FCRL4: variants seen among roughly 807,000 people sequenced by gnomAD.
FCRL4 encodes the protein Fc receptor-like protein 4.
In FCRL4, 43 loss-of-function variants were observed where a neutral mutation model predicts 64.1. The ratio of observed to expected loss-of-function variants is 0.67; its 90% CI spans 0.53 to 0.87. FCRL4 has a LOEUF of 0.87. Ranked by LOEUF, FCRL4 falls within the 40% of genes least tolerant of loss-of-function variation. FCRL4 has a pLI of 0.00. For synonymous variants in FCRL4, 253 were observed against 239.8 expected (o/e 1.05, Z -0.51); for missense variants, 656 against 613.5 (o/e 1.07, Z -0.73).
At chr1:157,582,869 G>A (rs1018404470) in intron 6 of FCRL4, among the ~76,000 whole-genome samples, 7 of 152,188 alleles carry the variant, frequency 4.6e-5, no homozygotes, top group African/African-American at 1.7e-4. Context: ...ACTACATCCT[G>A]TATTGAATCT....
At chr1:157,582,561 T>C (rs1234898941) in intron 6 of FCRL4, among the ~76,000 whole-genome samples, 1 of 152,180 alleles carries the variant, frequency 6.6e-6, no homozygotes, top group East Asian at 1.9e-4. Context: ...CAGACACAGG[T>C]ACCACAGAAT....
chr1:157,583,253 T>C (rs1314575744), intron 6 of FCRL4, among the ~76,000 whole-genome samples: 1 of 152,192 alleles, frequency 6.6e-6, no homozygotes, highest in Non-Finnish European at 1.5e-5. Context: ...AGTTCATATT[T>C]TGTGGTCCTG....
chr1:157,581,619 A>G lies in FCRL4; in HGVS notation c.1161T>C (p.Leu387=). The G allele has an allele frequency of 6.2e-7, 1 of 1,614,022 alleles. No homozygotes were observed. The stretch of plus-strand genomic sequence containing the variant: ...GCCCTCCAGTGGCTCCCGCGGCGAC[A>G]AGGCCATCTCTGTTGCCTGGGGTCT... ...VRETPGNRDG[L]VAAGATGGLL... The change falls in exon 7 of 12, where the codon CTT becomes CTC. Residue 387 remains leucine (L), a synonymous_variant. Transcript: ENST00000271532.
At chr1:157,592,700 T>A (rs145584930) in intron 2 of FCRL4, among the ~76,000 whole-genome samples, 1 of 152,154 alleles carries the variant, frequency 6.6e-6, no homozygotes, top group Non-Finnish European at 1.5e-5. Context: ...GATCTAGAAC[T>A]AGAAATACCA....
Position 157,575,702 on chromosome 1 carries a change from A to G in FCRL4, c.1458T>C (p.Asp486=). The part of the protein sequence containing the change: ...EANTSRTLLE[D]KDVSVVYSEV... Reference sequence around the variant, plus strand: ...ACTGTGGGGAAATGAAACTCACCTTATCCTCTAGAAGTGTCCTGGAGGTAT... The same window carrying G: ...ACTGTGGGGAAATGAAACTCACCTTGTCCTCTAGAAGTGTCCTGGAGGTAT... Residue 486 remains aspartate, a synonymous_variant, in exon 11 of 12, where the codon GAT becomes GAC. Transcript: ENST00000271532. 6.2e-7 allele frequency: 1 copy of G among 1,613,906 alleles called. No homozygotes were observed. Among genetic ancestry groups the G allele is most frequent in the Non-Finnish European group, 8.5e-7 (1 of 1,179,834 alleles).
At chr1:157,597,886 A>G in intron 1 of FCRL4, 28 bp downstream of exon 1, 6 of 1,605,296 alleles carry the variant, frequency 3.7e-6, no homozygotes, top group Non-Finnish European at 5.1e-6. Context: ...GCTTTGCAGC[A>G]AGCAAAGGTC....
intron 6 of FCRL4, among the ~76,000 whole-genome samples, chr1:157,585,398 CT>C (rs1182059740): frequency 2.6e-5 from 3 of 114,842 alleles, no homozygotes; most frequent in African/African-American, 1.0e-4. Context: ...TTCTTTCCTT[CT>C]TTCTTTCTTT....
chr1:157,582,369 G>A (rs1386123296), intron 6 of FCRL4, among the ~76,000 whole-genome samples: 2 of 152,114 alleles, frequency 1.3e-5, no homozygotes, highest in East Asian at 1.9e-4. Context: ...TTAAAGTCCC[G>A]GCTCTTGAGT....
At chr1:157,595,794 G>C (rs1652948965) in intron 2 of FCRL4, among the ~76,000 whole-genome samples, 1 of 152,198 alleles carries the variant, frequency 6.6e-6, no homozygotes, top group African/African-American at 2.4e-5. Context: ...CAAAACACCT[G>C]TGAGGCAGCT....
At chr1:157,585,194 T>C (rs544627730) in intron 6 of FCRL4, among the ~76,000 whole-genome samples, 1 of 152,246 alleles carries the variant, frequency 6.6e-6, no homozygotes, top group Admixed American at 6.5e-5. Context: ...AGCTTTCCAG[T>C]AACTTAATAA....
rs142002574 is a variant in FCRL4, at chr1:157,587,397, C to T, written c.726G>A (p.Thr242=). The T allele has an allele frequency of 7.4e-5, 120 of 1,614,092 alleles. No homozygotes were observed. The highest frequency in any genetic ancestry group is 1.6e-4 in the Middle Eastern group (1 of 6,084). ...DGEVILSDWS[T]YPELQLPTVW... is the part of the protein sequence containing the mutation. ...CGGTTGGGAGCTGGAGTTCCGGGTA[C>T]GTGCTCCAGTCTGACAGGATGACCT... Residue 242 remains threonine, a synonymous_variant, in exon 5 of 12, where the codon ACG becomes ACA. Coordinates refer to ENST00000271532, the MANE Select transcript of FCRL4 (RefSeq NM_031282.3).
intron 2 of FCRL4, among the ~76,000 whole-genome samples, chr1:157,595,343 A>G (rs1217090909): frequency 6.6e-6 from 1 of 152,244 alleles, no homozygotes; most frequent in African/African-American, 2.4e-5. Context: ...ACCTGGATGC[A>G]GGGCCATTGG....
At chr1:157,580,297 G>A (rs1264705903) in intron 8 of FCRL4, 24 bp downstream of exon 8, 2 of 1,613,684 alleles carry the variant, frequency 1.2e-6, no homozygotes, top group Non-Finnish European at 1.7e-6. Context: ...AACTAAAAAG[G>A]AATGGCAGAA....
At chr1:157,586,691 C>T (rs938781311) in intron 5 of FCRL4, among the ~76,000 whole-genome samples, 1 of 152,156 alleles carries the variant, frequency 6.6e-6, no homozygotes, top group Non-Finnish European at 1.5e-5. Context: ...CCTGAAGAAG[C>T]ATTTGGGTTT....
At chr1:157,585,245 TTTCCTTTCTTTCCTTTCTTTCC>T (rs1416376197) in intron 6 of FCRL4, among the ~76,000 whole-genome samples, 2 of 142,256 alleles carry the variant, frequency 1.4e-5, no homozygotes, top group Admixed American at 6.8e-5. Flanking sequence ...CTTTCTTTCC[TTTCCTTTCTTTCCTTTCTTTCC>T]TTCCTTTCCT....
chr1:157,588,458 CTA>C (rs1164148787), intron 3 of FCRL4, among the ~76,000 whole-genome samples: 1 of 152,148 alleles, frequency 6.6e-6, no homozygotes, highest in East Asian at 1.9e-4. Flanking sequence ...AGAGCAGGAG[CTA>C]TGAAAGAAGT....
chr1:157,593,473 AG>A (rs1356453988), intron 2 of FCRL4, among the ~76,000 whole-genome samples: 1 of 152,206 alleles, frequency 6.6e-6, no homozygotes, highest in Admixed American at 6.5e-5. Context: ...GCCAGTTACC[AG>A]GATAAAGTTA....
chr1:157,581,442 T>C, intron 7 of FCRL4, 89 bp downstream of exon 7: 1 of 989,802 alleles, frequency 1.0e-6, no homozygotes, highest in South Asian at 1.4e-5. Flanking sequence ...GACTTGGGAG[T>C]GGTGGCCTGG....
At chr1:157,592,320 T>A (rs1364455640) in intron 2 of FCRL4, among the ~76,000 whole-genome samples, 1 of 151,976 alleles carries the variant, frequency 6.6e-6, no homozygotes, top group South Asian at 2.1e-4. Context: ...ACCTACAGAA[T>A]GGGAGAAAAA....
Sources: gnomAD v4.1 joint callset for allele counts (sites outside exome capture counted in the v4.1 genomes callset) on GRCh38, gnomAD v4.1.1 for gene constraint, MANE v1.5 for transcripts, NCBI Gene and HGNC (gene_info 2026-07-23, HGNC 2026-07-21) for gene names.